The following COCH variants were observed in gnomAD, a reference collection of about 807,000 sequenced individuals.
COCH encodes the protein coagulation factor C homolog, cochlin (Limulus polyphemus).
COCH carries 40 observed loss-of-function variants against 54.8 expected under a neutral mutation model. That is an observed-to-expected ratio of 0.73 (90% CI 0.57 to 0.95). COCH has a LOEUF of 0.95. COCH is among the 40% of genes least tolerant of loss of function. The pLI, the probability that COCH is intolerant of heterozygous loss-of-function variation, is 0.00. For synonymous variants in COCH, 256 were observed against 237.9 expected, an observed-to-expected ratio of 1.08 and a Z score of -0.70; for missense variants, 605 against 675.0, an observed-to-expected ratio of 0.90 and a Z score of 1.15.
At chr14:30,881,146 CA>C (rs1359003240) in intron 8 of COCH, among the ~76,000 whole-genome samples, 1 of 143,144 alleles carries the variant, frequency 7.0e-6, no homozygotes, top group Non-Finnish European at 1.5e-5. Flanking sequence ...ACTCGGGAGG[CA>C]GAGGTTACAA....
Position 30,886,233 on chromosome 14 carries a change from C to T in COCH, c.1398C>T (p.Asn466=), listed in dbSNP as rs1594385631. 4 of 1,612,842 alleles carry T rather than the reference C, an allele frequency of 2.5e-6. No homozygotes were observed. The highest frequency in any genetic ancestry group is 1.6e-4 in the Middle Eastern group (1 of 6,066). ...NVFGPIRESP[N]KNFLVIVTDG... The stretch of plus-strand genomic sequence containing the variant: ...TTGGCCCTATAAGGGAGAGCCCCAA[C>T]AAGAACTTCCTAGTAATTGTCACAG... The change falls in exon 11 of 12, where the codon AAC becomes AAT. Residue 466 remains asparagine, a synonymous_variant. Coordinates refer to ENST00000396618, the MANE Select transcript of COCH (RefSeq NM_004086.3).
chr14:30,892,185 AC>A (rs1201383102), downstream of COCH, among the ~76,000 whole-genome samples: 4 of 152,220 alleles, frequency 2.6e-5, no homozygotes, highest in African/African-American at 9.6e-5. Flanking sequence ...ATTTTTGCAT[AC>A]CTTTAGTCTC....
At position 30,884,950 on chromosome 14, in the gene COCH, A is replaced by G. The variant is rs755693249; in HGVS notation, c.733+294A>G. On this transcript the variant is annotated intron_variant, in intron 9 of 11. Transcript: ENST00000396618. ...AGTATCTCTTTGTAATGCTAAAAAGAAGTGAAAATCAACAGACTTATCTAA... is the reference window on the plus strand; with the variant it reads ...AGTATCTCTTTGTAATGCTAAAAAGGAGTGAAAATCAACAGACTTATCTAA... 80 of 1,598,258 alleles carry G rather than the reference A, an allele frequency of 5.0e-5. No homozygotes were observed. In the South Asian group the frequency reaches 8.5e-4, roughly 17 times the overall value.
chr14:30,875,452 G>A, intron 3 of COCH: 1 of 585,084 alleles, frequency 1.7e-6, no homozygotes, highest in East Asian at 2.8e-5. Flanking sequence ...TCACCGAGGA[G>A]CGCACCAGTC....
At position 30,886,631 on chromosome 14, in the gene COCH, C is replaced by A. The variant is rs140503859; in HGVS notation, c.1477+319C>A. Among the ~76,000 whole-genome samples, 459 of 152,324 alleles carry A rather than the reference C, an allele frequency of 3.0e-3. 6 individuals are homozygous for A. The highest frequency in any genetic ancestry group is 0.011 in the African/African-American group (438 of 41,570). On this transcript the variant is annotated intron_variant, in intron 11 of 11. Coordinates refer to ENST00000396618, the MANE Select transcript of COCH (RefSeq NM_004086.3). ...TTAAGGAAATATGCTTATACATATA[C>A]AATTAAGGTGCTCATATTTAGCTCA...
At chr14:30,874,656 T>G (rs892121368) in intron 1 of COCH, 65 bp downstream of exon 1, 1 of 574,442 alleles carries the variant, frequency 1.7e-6, no homozygotes, top group African/African-American at 1.9e-5. Flanking sequence ...CCTGTTTCTT[T>G]GTCGCTCCCA....
intron 11 of COCH, among the ~76,000 whole-genome samples, chr14:30,887,665 G>T (rs576861175): frequency 6.6e-6 from 1 of 152,190 alleles, no homozygotes; most frequent in African/African-American, 2.4e-5. Flanking sequence ...ACACTCTTCT[G>T]TACCTCATTT....
At chr14:30,886,478 C>T (rs920287270) in intron 11 of COCH, among the ~76,000 whole-genome samples, 166 bp downstream of exon 11, 16 of 152,204 alleles carry the variant, frequency 1.1e-4, no homozygotes, top group African/African-American at 2.9e-4. Flanking sequence ...GATAAGGAAG[C>T]AAACTTCCTG....
At chr14:30,888,967 C>G (rs115733891) in intron 11 of COCH, among the ~76,000 whole-genome samples, 1 of 152,040 alleles carries the variant, frequency 6.6e-6, no homozygotes, top group Non-Finnish European at 1.5e-5. Context: ...TTCATAAGAT[C>G]CCTCTTGGGC....
Position 30,882,422 on chromosome 14 carries a change from G to A in COCH, c.629+1688G>A, listed in dbSNP as rs531097581. ...TAGGATTACAGGTGTGAGCTACCAC[G>A]CCTGGCCCCTTCAGTATTTTAAGGA... On this transcript the variant is annotated intron_variant, in intron 8 of 11. Coordinates refer to ENST00000396618, the MANE Select transcript of COCH (RefSeq NM_004086.3). Among the ~76,000 whole-genome samples, 12 of 151,990 alleles carry A rather than the reference G, an allele frequency of 7.9e-5. No homozygotes were observed. The East Asian group carries it at 1.7e-3, about 22-fold the overall frequency.
Position 30,889,979 on chromosome 14 carries a change from T to C in COCH, c.*188T>C. The C allele has an allele frequency of 1.5e-6, 2 of 1,347,756 alleles. No individual in the cohort carries two copies. Among genetic ancestry groups the C allele is most frequent in the Non-Finnish European group, 1.9e-6 (2 of 1,048,910 alleles). The allele number at this position is 1,347,756 out of a possible 1,614,324, so 83.5% of individuals were successfully genotyped here. On this transcript the variant is annotated 3_prime_UTR_variant, in exon 12 of 12. Transcript: ENST00000396618. The stretch of plus-strand genomic sequence containing the variant: ...TTCTGGTTACAATTTACAGTGTACT[T>C]TGTTAAAAACACTGCTGAGGCTTCA...
Position 30,877,436 on chromosome 14 carries a change from G to A in COCH, c.83-136G>A. 9.2e-7 allele frequency: 1 copy of A among 1,091,194 alleles called. No individual in the cohort carries two copies. Among genetic ancestry groups the A allele is most frequent in the Non-Finnish European group, 1.3e-6 (1 of 752,326 alleles). The allele number at this position is 1,091,194 out of a possible 1,614,324, so 67.6% of individuals were successfully genotyped here. A position where few individuals can be genotyped will look rare whatever the true frequency, so the allele number is the denominator to read the frequency against. ...GCCAAAATCTGGAATGGTATGGAAGGGTATATAAGTCAATAGTCATAACTA... is the reference window on the plus strand; with the variant it reads ...GCCAAAATCTGGAATGGTATGGAAGAGTATATAAGTCAATAGTCATAACTA... On this transcript the variant is annotated intron_variant, in intron 3 of 11. Transcript: ENST00000396618. This position sits in a 1 kb window ranked among gnomAD's most constrained non-coding sequence, Gnocchi z 8.6.
intron 9 of COCH, 109 bp downstream of exon 9, chr14:30,884,765 G>T: frequency 7.8e-7 from 1 of 1,284,692 alleles, no homozygotes. Context: ...AATCCTCCTG[G>T]AACTGAAATC....
downstream of COCH, chr14:30,895,099 A>AAAAACTT (rs1378372036): frequency 3.5e-6 from 1 of 285,722 alleles, no homozygotes; most frequent in Non-Finnish European, 5.9e-6. Flanking sequence ...GAAGAGAAAA[A>AAAAACTT]AAAAAACTTT....
chr14:30,891,860 A>C (rs2138906188), downstream of COCH, among the ~76,000 whole-genome samples: 1 of 152,374 alleles, frequency 6.6e-6, no homozygotes, highest in African/African-American at 2.4e-5. Context: ...AAGTAAACAT[A>C]ATCAGGATAA....
intron 4 of COCH, 21 bp from the exon 5 acceptor site, chr14:30,878,790 G>C: frequency 6.2e-7 from 1 of 1,614,118 alleles, no homozygotes; most frequent in African/African-American, 1.3e-5. Flanking sequence ...TAGCATCTCA[G>C]CTGCTATTCT....
intron 3 of COCH, chr14:30,876,520 G>A (rs1162425766): frequency 2.6e-5 from 4 of 152,000 alleles, no homozygotes. Flanking sequence ...ATGTTGTTTG[G>A]GCAAATTAAC....
Position 30,877,787 on chromosome 14 carries a change from C to A in COCH, c.239+59C>A. The A allele has an allele frequency of 6.2e-7, 1 of 1,608,802 alleles. No individual in the cohort carries two copies. Among genetic ancestry groups the A allele is most frequent in the African/African-American group, 1.4e-5 (1 of 73,842 alleles). On this transcript the variant is annotated intron_variant, in intron 4 of 11. Coordinates refer to ENST00000396618, the MANE Select transcript of COCH (RefSeq NM_004086.3). The surrounding 1 kb of genome is among the most constrained non-coding windows in gnomAD (Gnocchi z 8.6). ...GCAGACGTGATTATTTCCTTTCCTG[C>A]TTTACCCATCTGGATCCCTTTCCTC...
Position 30,877,448 on chromosome 14 carries a change from A to G in COCH, c.83-124A>G. ...AATGGTATGGAAGGGTATATAAGTC[A>G]ATAGTCATAACTAGAAGTGTAGAAA... On this transcript the variant is annotated intron_variant, in intron 3 of 11. Coordinates refer to ENST00000396618, the MANE Select transcript of COCH (RefSeq NM_004086.3). This position sits in a 1 kb window ranked among gnomAD's most constrained non-coding sequence, Gnocchi z 8.6. 1 of 1,252,374 alleles carries G rather than the reference A, an allele frequency of 8.0e-7. No individual in the cohort carries two copies. Among genetic ancestry groups the G allele is most frequent in the Non-Finnish European group, 1.1e-6 (1 of 890,942 alleles). The allele number at this position is 1,252,374 out of a possible 1,614,324, so 77.6% of individuals were successfully genotyped here.
Sources: gnomAD v4.1 joint callset for allele counts (sites outside exome capture counted in the v4.1 genomes callset) on GRCh38, gnomAD v4.1.1 for gene constraint, Gnocchi (gnomAD v3.1) non-coding constraint, MANE v1.5 for transcripts, NCBI Gene and HGNC (gene_info 2026-07-23, HGNC 2026-07-21) for gene names.